The following DPP6 variants were observed in gnomAD, a reference collection of about 807,000 sequenced individuals.
The protein encoded by DPP6 is dipeptidyl peptidase like 6.
In DPP6, 69 loss-of-function variants were observed where a neutral mutation model predicts 122.6. That is an observed-to-expected ratio of 0.56 (90% confidence interval 0.46 to 0.69). The LOEUF is 0.69. DPP6 is among the 30% of genes least tolerant of loss of function. The pLI is 0.00. For synonymous variants in DPP6, 418 were observed against 433.1 expected (o/e 0.97, Z 0.43); for missense variants, 928 against 1,116.9 (o/e 0.83, Z 2.41).
chr7:154,172,148 C>CCCTGCCTGCCTGCCTG (rs10644496), intron 1 of DPP6, among the ~76,000 whole-genome samples: 7 of 150,612 alleles, frequency 4.6e-5, no homozygotes, highest in Non-Finnish European at 7.4e-5. Context: ...CTTCCTTCTT[C>CCCTGCCTGCCTGCCTG]CCTGCCTGCC....
rs552233271 is a variant in DPP6 at position 154,760,535 on chromosome 7, A to G, written c.884-8882A>G. On this transcript the variant is annotated intron_variant, in intron 8 of 25. Transcript: ENST00000377770. This position sits in a 1 kb window ranked among gnomAD's most constrained non-coding sequence, Gnocchi z 4.5. Reference sequence around the variant, plus strand: ...GCGAGCTCAAGAACTTCTGTTAGCCATTCGTTTCTTTAACTCTTTGAGGCA... The same window carrying G: ...GCGAGCTCAAGAACTTCTGTTAGCCGTTCGTTTCTTTAACTCTTTGAGGCA... Among the ~76,000 whole-genome samples the G allele has an allele frequency of 2.8e-4, 43 of 152,278 alleles. No individual in the cohort carries two copies. Among genetic ancestry groups the G allele is most frequent in the African/African-American group, 1.0e-3 (42 of 41,574 alleles).
chr7:154,059,633 G>A (rs1385950157), intron 1 of DPP6: 1 of 149,518 alleles, frequency 6.7e-6, no homozygotes, highest in Non-Finnish European at 1.5e-5. Context: ...CGGGGACCCG[G>A]AACTTTTGAA....
At chr7:154,200,933 G>A (rs1345918402) in intron 1 of DPP6, among the ~76,000 whole-genome samples, 1 of 151,728 alleles carries the variant, frequency 6.6e-6, no homozygotes, top group African/African-American at 2.4e-5. Context: ...CTTAGAATTG[G>A]TTTCCTTTAA....
chr7:154,158,525 T>C (rs1383328673), intron 1 of DPP6, among the ~76,000 whole-genome samples: 1 of 151,916 alleles, frequency 6.6e-6, no homozygotes, highest in Non-Finnish European at 1.5e-5. Flanking sequence ...TTTGAGGCTA[T>C]TCCGAAGAAA....
intron 1 of DPP6, among the ~76,000 whole-genome samples, chr7:153,899,793 C>A: frequency 6.6e-6 from 1 of 152,162 alleles, no homozygotes; most frequent in East Asian, 1.9e-4. Context: ...AATGTGTGTG[C>A]ACAGGCAGGT....
chr7:153,804,421 A>G, the DPP6 span, among the ~76,000 whole-genome samples: 1 of 152,036 alleles, frequency 6.6e-6, no homozygotes, highest in African/African-American at 2.4e-5. Flanking sequence ...GTGTAGAGAT[A>G]ATTTTCTATA....
intron 6 of DPP6, among the ~76,000 whole-genome samples, chr7:154,647,279 C>G (rs1407064741): frequency 6.6e-6 from 1 of 152,160 alleles, no homozygotes; most frequent in African/African-American, 2.4e-5. Flanking sequence ...CTGGCCTGCT[C>G]GCCCCTTTAC....
At chr7:154,199,633 G>A (rs972352102) in intron 1 of DPP6, among the ~76,000 whole-genome samples, 9 of 148,206 alleles carry the variant, frequency 6.1e-5, no homozygotes, top group African/African-American at 2.2e-4. Flanking sequence ...TTTTTGAGAT[G>A]GAGTCTTGCT....
intron 1 of DPP6, among the ~76,000 whole-genome samples, chr7:154,347,854 CT>C (rs1038689567): frequency 6.6e-6 from 1 of 152,196 alleles, no homozygotes; most frequent in African/African-American, 2.4e-5. Context: ...AGAGTGCCAA[CT>C]TGTGGAGTGA....
At chr7:154,079,807 C>G (rs1803859734) in intron 1 of DPP6, among the ~76,000 whole-genome samples, 6 of 151,960 alleles carry the variant, frequency 3.9e-5, no homozygotes, top group Admixed American at 3.9e-4. Flanking sequence ...CCTGCGCTAC[C>G]TATTCTTGCC....
intron 1 of DPP6, among the ~76,000 whole-genome samples, chr7:154,003,336 A>T (rs867928260): frequency 7.9e-5 from 12 of 152,234 alleles, no homozygotes; most frequent in Admixed American, 1.3e-4. Context: ...AAAAAAAATG[A>T]AACCTGTGTA....
At chr7:154,458,874 T>C (rs1821031154) in intron 2 of DPP6, among the ~76,000 whole-genome samples, 1 of 152,182 alleles carries the variant, frequency 6.6e-6, no homozygotes, top group Non-Finnish European at 1.5e-5. Context: ...CTAGCTCAGC[T>C]CTCTAGGGGA....
intron 1 of DPP6, among the ~76,000 whole-genome samples, chr7:154,013,987 C>A (rs984481947): frequency 6.6e-5 from 10 of 152,088 alleles, no homozygotes; most frequent in African/African-American, 2.4e-4. Flanking sequence ...CCTCAACTCC[C>A]AGGCTCTCTA....
At chr7:154,432,426 C>T (rs1242420445) in intron 1 of DPP6, among the ~76,000 whole-genome samples, 2 of 152,170 alleles carry the variant, frequency 1.3e-5, no homozygotes, top group Non-Finnish European at 2.9e-5. Flanking sequence ...TTGCTTGATA[C>T]ATGTCTGAAC....
intron 1 of DPP6, among the ~76,000 whole-genome samples, chr7:153,941,527 A>G (rs1332278134): frequency 6.6e-6 from 1 of 152,132 alleles, no homozygotes; most frequent in Non-Finnish European, 1.5e-5. Context: ...TGCTGGAGAG[A>G]GAGGGCCCCA....
intron 1 of DPP6, among the ~76,000 whole-genome samples, chr7:154,315,447 T>C (rs1563464191): frequency 6.6e-6 from 1 of 152,104 alleles, no homozygotes; most frequent in Non-Finnish European, 1.5e-5. Flanking sequence ...ATCCCTACAA[T>C]TTTTTGAGTT....
chr7:154,458,681 C>T (rs937550992), intron 2 of DPP6, among the ~76,000 whole-genome samples: 1 of 152,162 alleles, frequency 6.6e-6, no homozygotes, highest in Admixed American at 6.5e-5. Context: ...AATGGCATTG[C>T]CACTTTTACG....
At chr7:154,322,031 C>T (rs903253518) in intron 1 of DPP6, among the ~76,000 whole-genome samples, 14 of 151,884 alleles carry the variant, frequency 9.2e-5, no homozygotes, top group East Asian at 2.0e-4. Context: ...GCACTTTCTA[C>T]AACCACACCC....
chr7:154,034,366 A>T (rs116066333), intron 1 of DPP6, among the ~76,000 whole-genome samples: 15,986 of 152,184 alleles, frequency 0.11, 927 homozygotes, highest in Middle Eastern at 0.15. Context: ...AGCCTGTTCA[A>T]GTTCACACAG....
Sources: gnomAD v4.1 joint callset for allele counts (sites outside exome capture counted in the v4.1 genomes callset) on GRCh38, gnomAD v4.1.1 for gene constraint, Gnocchi (gnomAD v3.1) non-coding constraint, MANE v1.5 for transcripts, NCBI Gene and HGNC (gene_info 2026-07-23, HGNC 2026-07-21) for gene names.